The following CHODL variants were observed in gnomAD, a reference collection of about 807,000 sequenced individuals.
CHODL encodes transmembrane protein MT75.
Under a neutral mutation model 34.5 loss-of-function variants are expected in CHODL, and 29 were observed. That is an observed-to-expected ratio of 0.84 (90% confidence interval 0.63 to 1.15). The LOEUF (loss-of-function observed/expected upper bound fraction) is 1.15. Among genes scored for constraint, CHODL ranks in the 50% most tolerant of loss-of-function variants. The probability of loss-of-function intolerance (pLI) is 0.00; values close to 1 mark genes in which losing one functional copy is unlikely to be tolerated. For synonymous variants in CHODL, 125 were observed against 116.1 expected, an observed-to-expected ratio of 1.08 and a Z score of -0.49; for missense variants, 332 against 332.5, an observed-to-expected ratio of 1.00 and a Z score of 0.01.
intron 1 of CHODL, among the ~76,000 whole-genome samples, chr21:18,021,405 T>C (rs2064126526): frequency 6.6e-6 from 1 of 152,252 alleles, no homozygotes; most frequent in South Asian, 2.1e-4. Context: ...ATGTATTTTC[T>C]GATTCCAACT....
chr21:17,919,662 G>A lies in CHODL; in HGVS notation c.-145+2262G>A, dbSNP rs146420824. 8.0e-3 allele frequency among the ~76,000 whole-genome samples: 1,218 copies of A among 152,258 alleles called. 19 individuals are homozygous for A. Among genetic ancestry groups the A allele is most frequent in the African/African-American group, 0.027 (1,122 of 41,542 alleles). ...GAGACATTTTTCCCACTGTCTCGGG[G>A]ATTAACATTTGGCTCCTTGTTACTT... On this transcript the variant is annotated intron_variant, in intron 1 of 6. Coordinates refer to the CHODL transcript ENST00000400127.
At chr21:18,017,882 C>T (rs185306317) in intron 1 of CHODL, among the ~76,000 whole-genome samples, 4 of 152,356 alleles carry the variant, frequency 2.6e-5, no homozygotes, top group African/African-American at 7.2e-5. Context: ...AACACTGCAA[C>T]GCCAGAGCGG....
intron 1 of CHODL, among the ~76,000 whole-genome samples, chr21:17,929,473 T>C (rs577176458): frequency 6.6e-6 from 1 of 152,298 alleles, no homozygotes; most frequent in South Asian, 2.1e-4. Context: ...ATAGATCATC[T>C]AAAAGAGAGA....
intron 1 of CHODL, among the ~76,000 whole-genome samples, chr21:17,987,315 C>G (rs2063761215): frequency 6.6e-6 from 1 of 152,104 alleles, no homozygotes; most frequent in African/African-American, 2.4e-5. Flanking sequence ...AACAAATATC[C>G]AGGCCAGAAT....
intron 1 of CHODL, among the ~76,000 whole-genome samples, chr21:18,248,242 G>T (rs971126024): frequency 6.6e-6 from 1 of 151,684 alleles, no homozygotes; most frequent in Non-Finnish European, 1.5e-5. Context: ...AAATTCATGG[G>T]TGGTGAACAG....
intron 1 of CHODL, among the ~76,000 whole-genome samples, chr21:17,967,720 G>A (rs551289488): frequency 1.3e-5 from 2 of 148,524 alleles, no homozygotes; most frequent in South Asian, 4.6e-4. Context: ...CAAGGAGAGT[G>A]TACATACTTT....
At chr21:18,096,887 AC>A (rs2065146430) in intron 2 of CHODL, among the ~76,000 whole-genome samples, 1 of 152,028 alleles carries the variant, frequency 6.6e-6, no homozygotes, top group Admixed American at 6.6e-5. Context: ...AGGTGGTCCT[AC>A]CAATATGTGA....
At chr21:18,039,218 T>A (rs910628475) in intron 2 of CHODL, among the ~76,000 whole-genome samples, 3 of 151,764 alleles carry the variant, frequency 2.0e-5, no homozygotes, top group Admixed American at 2.0e-4. Flanking sequence ...GAGATATATA[T>A]CTGTTATTTA....
chr21:18,079,470 C>T (rs1464771377), intron 2 of CHODL, among the ~76,000 whole-genome samples: 1 of 147,190 alleles, frequency 6.8e-6, no homozygotes, highest in Non-Finnish European at 1.5e-5. Flanking sequence ...ATATATATCA[C>T]ATATATATAC....
chr21:18,096,876 C>T (rs946931875), intron 2 of CHODL, among the ~76,000 whole-genome samples: 4 of 152,084 alleles, frequency 2.6e-5, no homozygotes, highest in African/African-American at 9.7e-5. Context: ...TTTGCAGCTC[C>T]AGGTGGTCCT....
At chr21:18,000,560 C>T (rs900438759) in intron 1 of CHODL, among the ~76,000 whole-genome samples, 1 of 152,128 alleles carries the variant, frequency 6.6e-6, no homozygotes, top group Non-Finnish European at 1.5e-5. Flanking sequence ...TAGTAAGTCA[C>T]TTTTCTTCCC....
chr21:17,984,047 C>T (rs2063734723), intron 1 of CHODL, among the ~76,000 whole-genome samples: 1 of 152,148 alleles, frequency 6.6e-6, no homozygotes, highest in African/African-American at 2.4e-5. Flanking sequence ...CTAGCATAAA[C>T]TTAAGACTTT....
At chr21:18,205,266 T>C (rs1257862843) in intron 2 of CHODL, among the ~76,000 whole-genome samples, 1 of 152,194 alleles carries the variant, frequency 6.6e-6, no homozygotes, top group Non-Finnish European at 1.5e-5. Context: ...GTTCTTTCTA[T>C]ACCCAGTTTT....
chr21:18,059,741 A>T (rs901647161), intron 2 of CHODL, among the ~76,000 whole-genome samples: 1 of 152,136 alleles, frequency 6.6e-6, no homozygotes, highest in Non-Finnish European at 1.5e-5. Flanking sequence ...CCAAACTGAC[A>T]TAGGAACAGA....
chr21:17,981,334 C>T (rs2063712374), intron 1 of CHODL, among the ~76,000 whole-genome samples: 1 of 152,138 alleles, frequency 6.6e-6, no homozygotes, highest in Non-Finnish European at 1.5e-5. Flanking sequence ...AACAGGAAAA[C>T]AGCTTTAAAC....
At chr21:18,152,115 T>C (rs1053633005) in intron 2 of CHODL, among the ~76,000 whole-genome samples, 1 of 152,010 alleles carries the variant, frequency 6.6e-6, no homozygotes, top group Non-Finnish European at 1.5e-5. Context: ...TGTGGAATAG[T>C]TTGGGAAATG....
chr21:18,122,277 A>T (rs1023691715), intron 2 of CHODL, among the ~76,000 whole-genome samples: 23 of 152,174 alleles, frequency 1.5e-4, no homozygotes, highest in African/African-American at 5.3e-4. Flanking sequence ...GATGACATAC[A>T]TTCTTTTTAA....
intron 2 of CHODL, among the ~76,000 whole-genome samples, chr21:18,216,542 T>A (rs2073830161): frequency 6.6e-6 from 1 of 152,212 alleles, no homozygotes; most frequent in Admixed American, 6.5e-5. Context: ...TATTTGTGTT[T>A]TTGTGCCTGG....
At chr21:18,088,764 C>A (rs868806020) in intron 2 of CHODL, among the ~76,000 whole-genome samples, 26 of 152,314 alleles carry the variant, frequency 1.7e-4, no homozygotes, top group African/African-American at 3.6e-4. Context: ...ATGGAGGAGG[C>A]ACATACTACC....
Sources: gnomAD v4.1 joint callset for allele counts (sites outside exome capture counted in the v4.1 genomes callset) on GRCh38, gnomAD v4.1.1 for gene constraint, MANE v1.5 for transcripts, NCBI Gene and HGNC (gene_info 2026-07-23, HGNC 2026-07-21) for gene names.